The following ARHGEF26 variants were observed in gnomAD, a reference collection of about 807,000 sequenced individuals.
ARHGEF26 encodes the protein Rho guanine nucleotide exchange factor 26.
In ARHGEF26, 59 loss-of-function variants were observed where a neutral mutation model predicts 89.4. The observed-to-expected ratio is 0.66, with a 90% CI of 0.54 to 0.82. The LOEUF (loss-of-function observed/expected upper bound fraction) is 0.82. ARHGEF26 is among the 40% of genes least tolerant of loss of function. The probability of loss-of-function intolerance (pLI) is 0.00; values close to 1 mark genes in which losing one functional copy is unlikely to be tolerated. For missense variants in ARHGEF26, 1,234 were observed against 1,085.6 expected, an observed-to-expected ratio of 1.14 and a Z score of -1.92; for synonymous variants, 500 against 428.4, an observed-to-expected ratio of 1.17 and a Z score of -2.06.
intron 9 of ARHGEF26, among the ~76,000 whole-genome samples, chr3:154,213,241 GTATA>G (rs750841371): frequency 1.2e-3 from 172 of 145,646 alleles, no homozygotes; most frequent in African/African-American, 2.0e-3. Context: ...GTGTGTGTGT[GTATA>G]TATATATATA....
chr3:154,199,494 T>A (rs1355341357), intron 9 of ARHGEF26, among the ~76,000 whole-genome samples: 2 of 152,192 alleles, frequency 1.3e-5, no homozygotes, highest in African/African-American at 4.8e-5. Flanking sequence ...CTTCCAGATC[T>A]TAGCTATTGT....
Position 154,194,758 on chromosome 3 carries a change from C to T in ARHGEF26, c.1845+40C>T, listed in dbSNP as rs764993064. Reference sequence around the variant, plus strand: ...ACAGTTTGTTTGTAAGACAGGAAACCATTCAGTTAGCTCAGACACAAAGTG... The same window carrying T: ...ACAGTTTGTTTGTAAGACAGGAAACTATTCAGTTAGCTCAGACACAAAGTG... On this transcript the variant is annotated intron_variant, in intron 9 of 14. Coordinates refer to ENST00000465093, the MANE Select transcript of ARHGEF26 (RefSeq NM_015595.4). 4 of 1,537,750 alleles carry T rather than the reference C, an allele frequency of 2.6e-6. No homozygotes were observed. In the African/African-American group the frequency reaches 5.5e-5, roughly 21 times the overall value.
At chr3:154,250,613 A>G (rs1367275875) in intron 12 of ARHGEF26, among the ~76,000 whole-genome samples, 1 of 152,206 alleles carries the variant, frequency 6.6e-6, no homozygotes, top group Non-Finnish European at 1.5e-5. Flanking sequence ...TCAGTGCCAG[A>G]GACGGTGTCT....
chr3:154,142,582 C>T (rs574781899), intron 4 of ARHGEF26, among the ~76,000 whole-genome samples: 4 of 152,262 alleles, frequency 2.6e-5, no homozygotes, highest in East Asian at 3.9e-4. Context: ...AATTCAGAGT[C>T]GCTGTTGTTC....
At chr3:154,149,046 A>C (rs534895379) in intron 4 of ARHGEF26, among the ~76,000 whole-genome samples, 1 of 152,302 alleles carries the variant, frequency 6.6e-6, no homozygotes, top group South Asian at 2.1e-4. Flanking sequence ...GCGTCGATGC[A>C]GATCCTGGCC....
intron 9 of ARHGEF26, among the ~76,000 whole-genome samples, chr3:154,206,339 T>C (rs1715018090): frequency 6.6e-6 from 1 of 152,136 alleles, no homozygotes; most frequent in Non-Finnish European, 1.5e-5. Context: ...AGATGGGGTC[T>C]CACTGTGTTA....
chr3:154,161,100 TTGTGTGTGTGTGTG>T (rs761296397), intron 6 of ARHGEF26, among the ~76,000 whole-genome samples: 2 of 17,606 alleles, frequency 1.1e-4, no homozygotes, highest in Non-Finnish European at 3.5e-4. Flanking sequence ...GTAGCCAGGT[TTGTGTGTGTGTGTG>T]TGTGTGTGTG....
In ARHGEF26 at chr3:154,255,381, A is replaced by G. The variant is rs768421237; in HGVS notation, c.2524A>G (p.Met842Val). 2 of 1,613,480 alleles carry G rather than the reference A, an allele frequency of 1.2e-6. No homozygotes were observed. The highest frequency in any genetic ancestry group is 1.1e-5 in the South Asian group (1 of 91,062). The change falls in exon 15 of 15, where the codon ATG becomes GTG. Residue 842 changes from methionine to valine, a missense_variant. By Grantham distance (21) the Met-to-Val change is conservative. Coordinates refer to ENST00000465093, the MANE Select transcript of ARHGEF26 (RefSeq NM_015595.4). The part of the protein sequence containing the change: ...LRDGERGWFP[M>V]ECAKEITCQA... ...AGATGGAGAAAGAGGCTGGTTTCCT[A>G]TGGAATGTGCCAAGGAGATAACATG...
chr3:154,172,124 G>A (rs1576733459), intron 6 of ARHGEF26, among the ~76,000 whole-genome samples: 1 of 152,186 alleles, frequency 6.6e-6, no homozygotes, highest in East Asian at 1.9e-4. Context: ...AGAAGCAGGT[G>A]CGACCGGCTC....
chr3:154,135,352 C>T (rs1448336638), intron 4 of ARHGEF26, among the ~76,000 whole-genome samples: 1 of 152,084 alleles, frequency 6.6e-6, no homozygotes, highest in Non-Finnish European at 1.5e-5. Flanking sequence ...CGATTTTCTA[C>T]TTTATGTGCC....
rs1229488085 is a variant in ARHGEF26, at chr3:154,256,907, T to C, written c.*1434T>C. ...AAGGTTATCTTAATAGTCGGTTTCA[T>C]GGAGATGAAGGATGGGAGATTAAGA... On this transcript the variant is annotated 3_prime_UTR_variant, in exon 15 of 15. Coordinates refer to ENST00000465093, the MANE Select transcript of ARHGEF26 (RefSeq NM_015595.4). 2 of 1,535,044 alleles carry C rather than the reference T, an allele frequency of 1.3e-6. No homozygotes were observed. Among genetic ancestry groups the C allele is most frequent in the Non-Finnish European group, 1.7e-6 (2 of 1,146,656 alleles).
At chr3:154,218,009 TAG>T (rs1037366711) in intron 10 of ARHGEF26, 51 bp downstream of exon 10, 1 of 1,479,878 alleles carries the variant, frequency 6.8e-7, no homozygotes, top group Non-Finnish European at 9.2e-7. Flanking sequence ...TTTCTCTAAA[TAG>T]AGAGAGACAG....
chr3:154,221,401 A>G (rs747100380), intron 10 of ARHGEF26, among the ~76,000 whole-genome samples: 9 of 152,202 alleles, frequency 5.9e-5, no homozygotes, highest in Middle Eastern at 3.2e-3. Context: ...GTTTTACCCC[A>G]ATGGTGTGCA....
chr3:154,257,146 T>C lies in ARHGEF26; in HGVS notation c.*1673T>C, dbSNP rs1481371257. ...CCTGGCTCACACAGCCTGCACCCTG[T>C]CACCTCGGCAATGAGCCAGTGTGGG... On this transcript the variant is annotated 3_prime_UTR_variant, in exon 15 of 15. Transcript: ENST00000465093. The C allele has an allele frequency of 5.5e-6, 4 of 730,596 alleles. No homozygotes were observed. The highest frequency in any genetic ancestry group is 1.8e-5 in the African/African-American group (1 of 55,276). 45.3% of individuals were successfully genotyped at this position (730,596 alleles called of 1,614,324 possible). A position where few individuals can be genotyped will look rare whatever the true frequency, so the allele number is the denominator to read the frequency against.
intron 6 of ARHGEF26, among the ~76,000 whole-genome samples, chr3:154,160,912 T>C (rs1324933792): frequency 6.6e-6 from 1 of 152,118 alleles, no homozygotes; most frequent in Non-Finnish European, 1.5e-5. Context: ...CTAGATCCCC[T>C]CTTTGGCTCT....
intron 9 of ARHGEF26, among the ~76,000 whole-genome samples, chr3:154,195,910 T>C (rs1714261536): frequency 6.6e-6 from 1 of 151,894 alleles, no homozygotes; most frequent in Non-Finnish European, 1.5e-5. Flanking sequence ...TTAGGGAAAA[T>C]GAGCCAGTGG....
At chr3:154,154,950 T>C (rs565525082) in intron 6 of ARHGEF26, among the ~76,000 whole-genome samples, 3 of 152,082 alleles carry the variant, frequency 2.0e-5, no homozygotes, top group African/African-American at 7.2e-5. Context: ...GATTGCTAGA[T>C]CAAAGGGTAA....
chr3:154,181,993 A>G (rs1713211741), intron 6 of ARHGEF26, among the ~76,000 whole-genome samples: 1 of 151,648 alleles, frequency 6.6e-6, no homozygotes, highest in Admixed American at 6.6e-5. Context: ...ACTGTCTCCT[A>G]TATTCCAGGT....
chr3:154,129,668 A>C lies in ARHGEF26; in HGVS notation c.1218A>C (p.Lys406Asn). 1 of 1,612,392 alleles carries C rather than the reference A, an allele frequency of 6.2e-7. No homozygotes were observed. Among genetic ancestry groups the C allele is most frequent in the South Asian group, 1.1e-5 (1 of 90,536 alleles). The change falls in exon 4 of 15, where the codon AAA becomes AAC. Residue 406 changes from lysine to asparagine, a missense_variant. Physicochemically the swap from Lys to Asn is moderately conservative, Grantham distance 94. Coordinates refer to ENST00000465093, the MANE Select transcript of ARHGEF26 (RefSeq NM_015595.4). ...CCAAAGAACAGAAGTCAGATGAAAA[A>C]ATTGTGATTCACCATAAGCCATTGA... ...SEPKEQKSDE[K>N]IVIHHKPLRS...
Sources: allele counts gnomAD v4.1 joint callset (sites outside exome capture counted in the v4.1 genomes callset), GRCh38; gene constraint gnomAD v4.1.1; transcripts MANE v1.5; gene names NCBI Gene and HGNC (gene_info 2026-07-23, HGNC 2026-07-21).